MTFR1: variants seen among roughly 807,000 people sequenced by gnomAD.
The protein encoded by MTFR1 is chondrocyte protein with a poly-proline region.
Under a neutral mutation model 38.8 loss-of-function variants are expected in MTFR1, and 28 were observed. The observed-to-expected ratio is 0.72, with a 90% CI of 0.53 to 0.99. The LOEUF (loss-of-function observed/expected upper bound fraction) is 0.99, where lower values mean the gene tolerates loss of function less well. Ranked by LOEUF, MTFR1 falls within the 50% of genes least tolerant of loss-of-function variation. The pLI, the probability that MTFR1 is intolerant of heterozygous loss-of-function variation, is 0.00. For synonymous variants in MTFR1, 145 were observed against 137.0 expected (o/e 1.06, Z -0.41); for missense variants, 358 against 395.5 (o/e 0.91, Z 0.81).
downstream of MTFR1, among the ~76,000 whole-genome samples, chr8:65,771,651 G>A (rs1234084618): frequency 2.0e-5 from 3 of 151,938 alleles, no homozygotes; most frequent in East Asian, 5.8e-4. Context: ...CAGGGCGGGC[G>A]GATCACCTGA....
chr8:65,660,705 G>A (rs74534648), intron 1 of MTFR1, among the ~76,000 whole-genome samples: 2,805 of 152,196 alleles, frequency 0.018, 25 homozygotes, highest in African/African-American at 0.025. Flanking sequence ...TCTATATTTT[G>A]TTGGTTCTCT....
chr8:65,734,137 T>C (rs1807024304), intron 3 of MTFR1, among the ~76,000 whole-genome samples: 1 of 152,234 alleles, frequency 6.6e-6, no homozygotes, highest in African/African-American at 2.4e-5. Flanking sequence ...TGGTGCTCAC[T>C]GTCTCTACAA....
At chr8:65,661,619 ACT>A (rs1267848509) in intron 1 of MTFR1, among the ~76,000 whole-genome samples, 3 of 152,022 alleles carry the variant, frequency 2.0e-5, no homozygotes, top group Admixed American at 6.6e-5. Flanking sequence ...ACAGAGCGAG[ACT>A]CTGTCTCAAA....
intron 2 of MTFR1, among the ~76,000 whole-genome samples, chr8:65,680,884 G>A (rs916752999): frequency 6.6e-6 from 1 of 150,594 alleles, no homozygotes; most frequent in Non-Finnish European, 1.5e-5. Context: ...CCGCTTCCTG[G>A]GTTCAAGCAG....
chr8:65,648,178 G>A (rs772062082), intron 1 of MTFR1, among the ~76,000 whole-genome samples: 1 of 152,010 alleles, frequency 6.6e-6, no homozygotes, highest in South Asian at 2.1e-4. Context: ...CACTAAGCCC[G>A]GCTAATTTTT....
chr8:65,705,313 GCTT>G (rs1805752056), intron 5 of MTFR1, among the ~76,000 whole-genome samples: 1 of 152,156 alleles, frequency 6.6e-6, no homozygotes, highest in Non-Finnish European at 1.5e-5. Context: ...ACAGAGCAAG[GCTT>G]CTTCTCAAAA....
At chr8:65,715,174 T>C (rs1256961918), downstream of MTFR1, among the ~76,000 whole-genome samples, 2 of 152,166 alleles carry the variant, frequency 1.3e-5, no homozygotes, top group Admixed American at 6.5e-5. Flanking sequence ...AAAAGTAATC[T>C]TTTAAATATT....
intron 1 of MTFR1, among the ~76,000 whole-genome samples, chr8:65,647,855 A>T (rs912208239): frequency 2.3e-4 from 35 of 152,214 alleles, no homozygotes; most frequent in African/African-American, 8.2e-4. Context: ...TAACCACTTG[A>T]TGGGGAAAAG....
At chr8:65,719,036 G>T in intron 2 of MTFR1, 1 of 521,418 alleles carries the variant, frequency 1.9e-6, no homozygotes, top group Non-Finnish European at 3.4e-6. Context: ...ACTCCTTTCG[G>T]ATTCTCTCCT....
chr8:65,688,031 C>CA (rs1805146882), intron 3 of MTFR1, among the ~76,000 whole-genome samples: 1 of 146,680 alleles, frequency 6.8e-6, no homozygotes, highest in Non-Finnish European at 1.5e-5. Flanking sequence ...ACCTGGGAGA[C>CA]AGAGGTTGCA....
At chr8:65,690,115 T>C (rs1563450347) in intron 3 of MTFR1, among the ~76,000 whole-genome samples, 1 of 152,024 alleles carries the variant, frequency 6.6e-6, no homozygotes, top group African/African-American at 2.4e-5. Context: ...GTTTAACATA[T>C]TAATTTTATG....
intron 3 of MTFR1, among the ~76,000 whole-genome samples, chr8:65,740,084 A>G (rs1474660121): frequency 6.7e-6 from 1 of 148,640 alleles, no homozygotes; most frequent in East Asian, 2.1e-4. Flanking sequence ...GGAGGCATCA[A>G]TGACCTCAAG....
At chr8:65,769,492 T>C (rs1369360775) in intron 3 of MTFR1, among the ~76,000 whole-genome samples, 1 of 152,200 alleles carries the variant, frequency 6.6e-6, no homozygotes, top group Non-Finnish European at 1.5e-5. Context: ...TCCCTCTATC[T>C]TGTGTAACCA....
intron 5 of MTFR1, among the ~76,000 whole-genome samples, chr8:65,705,292 C>T (rs1013715097): frequency 6.6e-6 from 1 of 152,208 alleles, no homozygotes; most frequent in Non-Finnish European, 1.5e-5. Flanking sequence ...CCACTGCACT[C>T]CGGCCTGGCG....
chr8:65,665,974 A>AT (rs1195427917), intron 1 of MTFR1, among the ~76,000 whole-genome samples: 1 of 152,240 alleles, frequency 6.6e-6, no homozygotes, highest in African/African-American at 2.4e-5. Context: ...TAACTTGTTA[A>AT]TACTTACCAT....
In MTFR1 at chr8:65,695,279, G is replaced by A. The variant is rs371696187; in HGVS notation, c.281+1520G>A. On this transcript the variant is annotated intron_variant, in intron 4 of 7. Coordinates refer to ENST00000262146, the MANE Select transcript of MTFR1 (RefSeq NM_014637.4). ...GGAGATTAACGAAGGAAGAGCCTACGTAGTCAGAGTCTAGTTATCCTAAAT... is the reference window on the plus strand; with the variant it reads ...GGAGATTAACGAAGGAAGAGCCTACATAGTCAGAGTCTAGTTATCCTAAAT... Among the ~76,000 whole-genome samples, 28 of 152,298 alleles carry A rather than the reference G, an allele frequency of 1.8e-4. No individual in the cohort carries two copies. In the South Asian group the frequency reaches 4.1e-3, roughly 23 times the overall value.
chr8:65,672,281 G>T (rs1032942173), intron 2 of MTFR1, among the ~76,000 whole-genome samples: 2 of 152,092 alleles, frequency 1.3e-5, no homozygotes, highest in African/African-American at 4.8e-5. Flanking sequence ...TGATCTTTTG[G>T]GGTTAACTAA....
intron 3 of MTFR1, among the ~76,000 whole-genome samples, chr8:65,755,518 CGTA>C (rs1473718363): frequency 1.3e-5 from 2 of 152,174 alleles, no homozygotes; most frequent in African/African-American, 4.8e-5. Context: ...AAACACTGCT[CGTA>C]TGCATCTCCA....
At chr8:65,668,323 G>A (rs908806547) in intron 1 of MTFR1, among the ~76,000 whole-genome samples, 13 of 146,458 alleles carry the variant, frequency 8.9e-5, no homozygotes, top group Non-Finnish European at 1.6e-4. Context: ...GATTACAGGC[G>A]TGCTCCACCA....
Sources: gnomAD v4.1 joint callset for allele counts (sites outside exome capture counted in the v4.1 genomes callset) on GRCh38, gnomAD v4.1.1 for gene constraint, MANE v1.5 for transcripts, NCBI Gene and HGNC (gene_info 2026-07-23, HGNC 2026-07-21) for gene names.